The following SRGAP1 variants were observed in gnomAD, a reference collection of about 807,000 sequenced individuals.
SRGAP1 encodes SLIT-ROBO Rho GTPase activating protein 1.
SRGAP1 carries 43 observed loss-of-function variants against 121.9 expected under a neutral mutation model. That is an observed-to-expected ratio of 0.35 (90% CI 0.28 to 0.46). The LOEUF (loss-of-function observed/expected upper bound fraction) is 0.46. Ranked by LOEUF, SRGAP1 falls within the 20% of genes least tolerant of loss-of-function variation. The pLI, the probability that SRGAP1 is intolerant of heterozygous loss-of-function variation, is 1.00. For missense variants in SRGAP1, 1,102 were observed against 1,350.9 expected (o/e 0.82, Z 2.89); for synonymous variants, 447 against 485.4 (o/e 0.92, Z 1.04).
At chr12:63,883,251 T>C (rs1044684188) in intron 1 of SRGAP1, among the ~76,000 whole-genome samples, 5 of 152,348 alleles carry the variant, frequency 3.3e-5, no homozygotes, top group Non-Finnish European at 5.9e-5. Context: ...AGCAGGACTG[T>C]TTATATGTTT....
chr12:64,070,454 T>C (rs1164662944), intron 8 of SRGAP1, among the ~76,000 whole-genome samples: 1 of 152,216 alleles, frequency 6.6e-6, no homozygotes, highest in Admixed American at 6.5e-5. Flanking sequence ...TTCATCAGCA[T>C]GTCACTGCTG....
chr12:64,044,162 C>A (rs145958429), intron 6 of SRGAP1, among the ~76,000 whole-genome samples: 1 of 152,284 alleles, frequency 6.6e-6, no homozygotes, highest in Non-Finnish European at 1.5e-5. Flanking sequence ...ATTTAGAGCT[C>A]TCCTAATACA....
intron 1 of SRGAP1, among the ~76,000 whole-genome samples, chr12:63,915,228 A>T (rs1007745227): frequency 6.6e-6 from 1 of 152,252 alleles, no homozygotes; most frequent in Non-Finnish European, 1.5e-5. Context: ...CATGAAGAGC[A>T]TCAATCAGGT....
intron 1 of SRGAP1, among the ~76,000 whole-genome samples, chr12:63,897,445 G>T (rs982183450): frequency 5.9e-5 from 9 of 152,076 alleles, no homozygotes; most frequent in African/African-American, 2.2e-4. Context: ...TTTCATTATT[G>T]CAATGACTTT....
intron 16 of SRGAP1, among the ~76,000 whole-genome samples, chr12:64,109,776 G>A (rs2036402190): frequency 6.6e-6 from 1 of 152,184 alleles, no homozygotes; most frequent in Non-Finnish European, 1.5e-5. Context: ...GCCTTCTCAT[G>A]CTAGCATGGA....
intron 15 of SRGAP1, among the ~76,000 whole-genome samples, chr12:64,103,434 T>C (rs2036290975): frequency 1.3e-5 from 2 of 152,346 alleles, no homozygotes; most frequent in South Asian, 4.1e-4. Flanking sequence ...ATTTAGATTG[T>C]TTCCAGTGAT....
chr12:63,992,832 T>A (rs553464203), intron 3 of SRGAP1, among the ~76,000 whole-genome samples: 1 of 152,302 alleles, frequency 6.6e-6, no homozygotes, highest in South Asian at 2.1e-4. Flanking sequence ...CCTTGGAAAC[T>A]GCCTATTTAC....
chr12:64,096,834 G>A (rs1387714101), intron 14 of SRGAP1, among the ~76,000 whole-genome samples: 2 of 152,130 alleles, frequency 1.3e-5, no homozygotes, highest in Non-Finnish European at 2.9e-5. Context: ...GACCCATATA[G>A]CATAGTCAGA....
chr12:64,006,125 C>T (rs1272531000), intron 3 of SRGAP1, among the ~76,000 whole-genome samples: 4 of 152,142 alleles, frequency 2.6e-5, no homozygotes, highest in Non-Finnish European at 5.9e-5. Context: ...GAAGAAAGGC[C>T]TCACAGAGAG....
At chr12:63,903,618 A>G (rs539303174) in intron 1 of SRGAP1, among the ~76,000 whole-genome samples, 44 of 148,308 alleles carry the variant, frequency 3.0e-4, no homozygotes, top group Non-Finnish European at 3.7e-4. Context: ...TGCAATGGCA[A>G]TGGCGCAGTC....
intron 1 of SRGAP1, among the ~76,000 whole-genome samples, chr12:63,956,830 T>G (rs1373467668): frequency 6.8e-6 from 1 of 146,754 alleles, no homozygotes; most frequent in Admixed American, 7.0e-5. Flanking sequence ...TGTGCAACAA[T>G]CATCACAATC....
intron 1 of SRGAP1, among the ~76,000 whole-genome samples, chr12:63,952,693 GA>G (rs1354461084): frequency 6.6e-6 from 1 of 152,156 alleles, no homozygotes; most frequent in East Asian, 1.9e-4. Flanking sequence ...TGGTACTGGG[GA>G]TAAAAAATAT....
intron 1 of SRGAP1, among the ~76,000 whole-genome samples, chr12:63,945,751 A>G (rs2032024450): frequency 6.6e-6 from 1 of 152,220 alleles, no homozygotes; most frequent in Admixed American, 6.5e-5. Flanking sequence ...GCAAGGGAGC[A>G]GAATCTTGGG....
chr12:63,897,940 TGAATCTATTTCAAACACTGA>T (rs1443689154), intron 1 of SRGAP1, among the ~76,000 whole-genome samples: 1 of 152,234 alleles, frequency 6.6e-6, no homozygotes, highest in Non-Finnish European at 1.5e-5. Context: ...CACCTGAAGC[TGAATCTATTTCAAACACTGA>T]GAATAAGAAA....
At chr12:64,019,434 A>C (rs149665336) in intron 4 of SRGAP1, among the ~76,000 whole-genome samples, 30 of 152,282 alleles carry the variant, frequency 2.0e-4, no homozygotes, top group African/African-American at 7.2e-4. Flanking sequence ...GCAGACAAGT[A>C]ATGAGGTTTT....
At chr12:63,870,145 T>A (rs1207914187) in intron 1 of SRGAP1, among the ~76,000 whole-genome samples, 1 of 152,220 alleles carries the variant, frequency 6.6e-6, no homozygotes, top group Non-Finnish European at 1.5e-5. Flanking sequence ...TAATAAGAGT[T>A]TATAAGGTCA....
At chr12:64,085,851 C>T (rs1160414787) in intron 10 of SRGAP1, among the ~76,000 whole-genome samples, 1 of 152,194 alleles carries the variant, frequency 6.6e-6, no homozygotes, top group Non-Finnish European at 1.5e-5. Context: ...CAAGTCATGT[C>T]CATGAACTCA....
intron 1 of SRGAP1, among the ~76,000 whole-genome samples, chr12:63,969,575 C>T (rs1187108239): frequency 6.6e-6 from 1 of 152,126 alleles, no homozygotes; most frequent in Non-Finnish European, 1.5e-5. Flanking sequence ...AGGCGGATCA[C>T]GAGGTCAGGA....
intron 6 of SRGAP1, among the ~76,000 whole-genome samples, chr12:64,050,034 C>G (rs1393136539): frequency 6.6e-6 from 1 of 152,086 alleles, no homozygotes; most frequent in Non-Finnish European, 1.5e-5. Flanking sequence ...CATGGAATAT[C>G]TTTCCATTTT....
Sources: allele counts gnomAD v4.1 joint callset (sites outside exome capture counted in the v4.1 genomes callset), GRCh38; gene constraint gnomAD v4.1.1; transcripts MANE v1.5; gene names NCBI Gene and HGNC (gene_info 2026-07-23, HGNC 2026-07-21).